KIAA1217: variants seen among roughly 807,000 people sequenced by gnomAD.
KIAA1217 encodes KIAA1217.
A neutral mutation model predicts 163.9 loss-of-function variants in KIAA1217; 88 were observed. The observed-to-expected ratio is 0.54, with a 90% CI of 0.45 to 0.64. The LOEUF (loss-of-function observed/expected upper bound fraction) is 0.64. Among genes scored for constraint, KIAA1217 ranks in the 30% least tolerant of loss-of-function variants. The pLI is 0.00. For missense variants in KIAA1217, 2,372 were observed against 2,475.0 expected, an observed-to-expected ratio of 0.96 and a Z score of 0.88; for synonymous variants, 903 against 923.1, an observed-to-expected ratio of 0.98 and a Z score of 0.39.
At chr10:23,926,823 C>T (rs1843041118) in intron 1 of KIAA1217, among the ~76,000 whole-genome samples, 1 of 152,044 alleles carries the variant, frequency 6.6e-6, no homozygotes, top group Non-Finnish European at 1.5e-5. Context: ...TCCCTCTTTT[C>T]GATCCTTCAA....
chr10:23,842,710 G>T (rs1267704603), intron 1 of KIAA1217, among the ~76,000 whole-genome samples: 1 of 151,874 alleles, frequency 6.6e-6, no homozygotes, highest in Non-Finnish European at 1.5e-5. Context: ...GTGAGTTTGG[G>T]GTTCAAGAAG....
chr10:23,874,573 C>T (rs1295067435), intron 1 of KIAA1217, among the ~76,000 whole-genome samples: 2 of 152,028 alleles, frequency 1.3e-5, no homozygotes, highest in Admixed American at 6.6e-5. Context: ...CTAATCTTTG[C>T]TCATATCTCC....
intron 2 of KIAA1217, among the ~76,000 whole-genome samples, chr10:24,380,549 C>T (rs1006877614): frequency 1.3e-4 from 20 of 151,908 alleles, no homozygotes; most frequent in East Asian, 9.7e-4. Flanking sequence ...GGCTGAGGCA[C>T]AAGAATTGCT....
At chr10:24,250,458 G>T (rs568803401) in intron 2 of KIAA1217, among the ~76,000 whole-genome samples, 114 of 151,060 alleles carry the variant, frequency 7.5e-4, no homozygotes, top group African/African-American at 2.4e-3. Context: ...TTTGAAATGG[G>T]GTCTCTCTCT....
intron 3 of KIAA1217, among the ~76,000 whole-genome samples, chr10:24,392,243 GAA>G (rs10708415): frequency 7.8e-4 from 117 of 149,104 alleles, no homozygotes; most frequent in Non-Finnish European, 1.3e-3. Flanking sequence ...CAGCTCATTA[GAA>G]AAAAAAAAAG....
chr10:24,151,800 C>A (rs991597494), intron 2 of KIAA1217, among the ~76,000 whole-genome samples: 1 of 151,876 alleles, frequency 6.6e-6, no homozygotes, highest in Non-Finnish European at 1.5e-5. Flanking sequence ...AGGATTTAAC[C>A]AATCCTCTCA....
intron 2 of KIAA1217, among the ~76,000 whole-genome samples, chr10:24,051,971 A>G (rs749612891): frequency 1.7e-4 from 26 of 151,646 alleles, no homozygotes; most frequent in Non-Finnish European, 3.2e-4. Context: ...GGTCCCATTT[A>G]TTTATCTTTG....
intron 1 of KIAA1217, among the ~76,000 whole-genome samples, chr10:23,965,973 C>G (rs1467342189): frequency 6.6e-6 from 1 of 152,190 alleles, no homozygotes; most frequent in South Asian, 2.1e-4. Context: ...TTCTTTCTAA[C>G]CATGACACCA....
chr10:24,253,501 TTTCTG>T (rs2074791085), intron 2 of KIAA1217, among the ~76,000 whole-genome samples: 1 of 152,216 alleles, frequency 6.6e-6, no homozygotes, highest in Non-Finnish European at 1.5e-5. Flanking sequence ...AATGCTGGTA[TTTCTG>T]TTCTTACTTG....
chr10:23,985,018 C>A (rs1222040586), intron 1 of KIAA1217, among the ~76,000 whole-genome samples: 1 of 152,032 alleles, frequency 6.6e-6, no homozygotes, highest in African/African-American at 2.4e-5. Flanking sequence ...TGGGACATGG[C>A]TCTCTATAGA....
At chr10:24,200,803 T>C (rs1189473448) in intron 2 of KIAA1217, among the ~76,000 whole-genome samples, 1 of 152,004 alleles carries the variant, frequency 6.6e-6, no homozygotes, top group East Asian at 1.9e-4. Context: ...AAAGGAAGCA[T>C]CCCCAGCTGC....
intron 4 of KIAA1217, among the ~76,000 whole-genome samples, chr10:24,438,060 T>C (rs2060209804): frequency 8.3e-6 from 1 of 119,894 alleles, no homozygotes; most frequent in African/African-American, 3.4e-5. Context: ...GGAACTTTAT[T>C]TTTTTTTTTA....
intron 2 of KIAA1217, among the ~76,000 whole-genome samples, chr10:24,264,930 C>A (rs2076093847): frequency 1.3e-5 from 2 of 152,008 alleles, no homozygotes; most frequent in Non-Finnish European, 2.9e-5. Context: ...TAGCTCACTG[C>A]AGCCTCAACT....
intron 3 of KIAA1217, among the ~76,000 whole-genome samples, chr10:24,405,634 A>T (rs534385238): frequency 6.6e-5 from 10 of 152,342 alleles, no homozygotes; most frequent in Non-Finnish European, 1.2e-4. Context: ...CTATTTTGAT[A>T]TGAGGTGTCA....
At chr10:23,900,713 G>T (rs1257026116) in intron 1 of KIAA1217, among the ~76,000 whole-genome samples, 3 of 152,044 alleles carry the variant, frequency 2.0e-5, no homozygotes, top group Non-Finnish European at 2.9e-5. Context: ...TACCTCTAAG[G>T]TACCATCAAA....
chr10:24,044,178 TG>T (rs1267575978), intron 2 of KIAA1217, among the ~76,000 whole-genome samples: 1 of 152,156 alleles, frequency 6.6e-6, no homozygotes, highest in African/African-American at 2.4e-5. Flanking sequence ...TCCAACACAT[TG>T]TATCATATAG....
At chr10:24,438,356 T>G in intron 4 of KIAA1217, 30 bp from the exon 5 acceptor site, 1 of 1,503,476 alleles carries the variant, frequency 6.7e-7, no homozygotes, top group Non-Finnish European at 9.3e-7. Context: ...TTCTTTCATC[T>G]GCCATAGTTA....
chr10:24,374,436 T>C (rs547006385), intron 2 of KIAA1217, among the ~76,000 whole-genome samples: 1 of 152,308 alleles, frequency 6.6e-6, no homozygotes, highest in African/African-American at 2.4e-5. Flanking sequence ...AGCAGGACCC[T>C]CTAGCGCCTG....
chr10:23,830,807 T>C (rs1838155872), intron 1 of KIAA1217, among the ~76,000 whole-genome samples: 1 of 142,878 alleles, frequency 7.0e-6, no homozygotes, highest in Non-Finnish European at 1.5e-5. Context: ...GTGATAGAGA[T>C]AGAGATATAT....
Sources: gnomAD v4.1 joint callset for allele counts (sites outside exome capture counted in the v4.1 genomes callset) on GRCh38, gnomAD v4.1.1 for gene constraint, MANE v1.5 for transcripts, NCBI Gene and HGNC (gene_info 2026-07-23, HGNC 2026-07-21) for gene names.